UBALD2: variants seen among roughly 807,000 people sequenced by gnomAD.
The protein encoded by UBALD2 is UBA-like domain-containing protein 2.
In UBALD2, 8 loss-of-function variants were observed where a neutral mutation model predicts 15.9. That is an observed-to-expected ratio of 0.50 (90% CI 0.29 to 0.91). UBALD2 has a LOEUF of 0.91. Ranked by LOEUF, UBALD2 falls within the 40% of genes least tolerant of loss-of-function variation. UBALD2 has a pLI of 0.07. For synonymous variants in UBALD2, 113 were observed against 97.7 expected (o/e 1.16, Z -0.93); for missense variants, 178 against 234.8 (o/e 0.76, Z 1.58).
rs1450587629 is a variant in UBALD2, at chr17:76,270,369, A to G, written c.359A>G (p.His120Arg). 6 of 1,554,384 alleles carry G rather than the reference A, an allele frequency of 3.9e-6. No individual in the cohort carries two copies. In the Admixed American group the frequency reaches 9.5e-5, roughly 25 times the overall value. Residue 120 changes from histidine (H) to arginine (R), a missense_variant, in exon 3 of 3, where the codon CAC becomes CGC. By Grantham distance (29) the His-to-Arg change is conservative (BLOSUM62 0). Transcript: ENST00000327490. ...TTCTGGGCCTCGTCCCCGCCCAGCC[A>G]CCAGGCGCCCTGGATCCCGCCCTCC... ...SPFWASSPPS[H>R]QAPWIPPSSP...
chr17:76,269,071 G>A lies in UBALD2; in HGVS notation c.184-1123G>A, dbSNP rs924351085. 6.6e-6 allele frequency among the ~76,000 whole-genome samples: 1 copy of A among 152,054 alleles called. No homozygotes were observed. Among genetic ancestry groups the A allele is most frequent in the African/African-American group, 2.4e-5 (1 of 41,386 alleles). On this transcript the variant is annotated intron_variant, in intron 2 of 2. Transcript: ENST00000327490. The surrounding 1 kb of genome is among the most constrained non-coding windows in gnomAD (Gnocchi z 4.6). ...TTTCAAGGTGAAGAGCCCTCAAGTCGTTCCCCCAACTCCTGCGCCTGGGGG... is the reference window on the plus strand; with the variant it reads ...TTTCAAGGTGAAGAGCCCTCAAGTCATTCCCCCAACTCCTGCGCCTGGGGG...
chr17:76,265,411 C>G lies in UBALD2; in HGVS notation c.-95C>G. On this transcript the variant is annotated 5_prime_UTR_variant, in exon 1 of 3. Transcript: ENST00000327490. The stretch of plus-strand genomic sequence containing the variant: ...GGAGCGGCGGCAGCAGCGGTGAGCG[C>G]GAGCCCCGGAGCCCCGGGCGGCCGG... The G allele has an allele frequency of 2.6e-5, 25 of 975,866 alleles. No homozygotes were observed. Among genetic ancestry groups the G allele is most frequent in the South Asian group, 4.6e-5 (1 of 21,938 alleles). The allele number at this position is 975,866 out of a possible 1,614,324, so 60.5% of individuals were successfully genotyped here. A position where few individuals can be genotyped will look rare whatever the true frequency, so the allele number is the denominator to read the frequency against.
At chr17:76,266,063 CAA>C (rs1598467077) in intron 2 of UBALD2, 94 bp downstream of exon 2, 2 of 1,430,944 alleles carry the variant, frequency 1.4e-6, no homozygotes, top group Non-Finnish European at 9.5e-7. Flanking sequence ...CGAATGTAAA[CAA>C]AGAGCCAAAA....
At chr17:76,267,742 G>A (rs1299670191) in intron 2 of UBALD2, among the ~76,000 whole-genome samples, 4 of 149,314 alleles carry the variant, frequency 2.7e-5, no homozygotes, top group South Asian at 4.2e-4. Flanking sequence ...TCGGCTCACC[G>A]CAACCTTCAC....
chr17:76,266,557 C>T (rs2070547460), intron 2 of UBALD2, among the ~76,000 whole-genome samples: 1 of 152,210 alleles, frequency 6.6e-6, no homozygotes, highest in Non-Finnish European at 1.5e-5. Flanking sequence ...ATACATCCCC[C>T]AAGCCAGGAG....
At position 76,270,425 on chromosome 17, in the gene UBALD2, C is replaced by T. The variant is rs1220867769; in HGVS notation, c.415C>T (p.Pro139Ser). ...CACCACCTTCCACCACCTCCACCGC[C>T]CACAGCCCACGTGGCCCCCAGGAGC... The part of the protein sequence containing the change: ...SPTTFHHLHR[P>S]QPTWPPGAQQ... The change falls in exon 3 of 3, where the codon CCA becomes TCA. Residue 139 changes from proline to serine, a missense_variant. Pro to Ser is a moderately conservative substitution (Grantham distance 74, BLOSUM62 -1). Coordinates refer to ENST00000327490, the MANE Select transcript of UBALD2 (RefSeq NM_182565.4). The T allele has an allele frequency of 1.3e-6, 2 of 1,529,234 alleles. No individual in the cohort carries two copies. The highest frequency in any genetic ancestry group is 4.9e-5 in the East Asian group (2 of 40,736). 94.7% of individuals were successfully genotyped at this position (1,529,234 alleles called of 1,614,324 possible). A position where few individuals can be genotyped will look rare whatever the true frequency, so the allele number is the denominator to read the frequency against.
At position 76,270,560 on chromosome 17, in the gene UBALD2, G is replaced by C; in HGVS notation, c.*55G>C. 7.3e-7 allele frequency: 1 copy of C among 1,370,762 alleles called. No homozygotes were observed. Among genetic ancestry groups the C allele is most frequent in the Middle Eastern group, 2.6e-4 (1 of 3,792 alleles). 84.9% of individuals were successfully genotyped at this position (1,370,762 alleles called of 1,614,324 possible). A position where few individuals can be genotyped will look rare whatever the true frequency, so the allele number is the denominator to read the frequency against. On this transcript the variant is annotated 3_prime_UTR_variant, in exon 3 of 3. Transcript: ENST00000327490. ...GCTGGGGGCAGCCCAGGGTTGTGGG[G>C]ACACAGGAGGGCCAGGGAGGGGGGA... is the stretch of plus-strand genomic sequence containing the variant.
At chr17:76,265,705 T>A (rs2070539563) in intron 1 of UBALD2, 80 bp downstream of exon 1, 4 of 1,247,656 alleles carry the variant, frequency 3.2e-6, no homozygotes, top group Non-Finnish European at 4.0e-6. Flanking sequence ...GCGCTCCTGT[T>A]GTCGGCCCGG....
chr17:76,270,126 G>C (rs2143066105), intron 2 of UBALD2, 68 bp from the exon 3 acceptor site: 1 of 1,541,688 alleles, frequency 6.5e-7, no homozygotes. Flanking sequence ...GGCTGGCCTG[G>C]GTAAGCCCCA....
At chr17:76,270,118 C>T in intron 2 of UBALD2, 76 bp from the exon 3 acceptor site, 2 of 1,467,784 alleles carry the variant, frequency 1.4e-6, no homozygotes, top group Non-Finnish European at 1.9e-6. Context: ...AAAGGAGCGG[C>T]TGGCCTGGGT....
rs1598469008 is a variant in UBALD2 at position 76,270,740 on chromosome 17, T to C, written c.*235T>C. 1 of 379,128 alleles carries C rather than the reference T, an allele frequency of 2.6e-6. No individual in the cohort carries two copies. Among genetic ancestry groups the C allele is most frequent in the Non-Finnish European group, 4.6e-6 (1 of 216,368 alleles). 23.5% of individuals were successfully genotyped at this position (379,128 alleles called of 1,614,324 possible). ...CTCTGTTTTTAATATATAACTATAATATATATGAATAGATAAATATAACTA... is the reference window on the plus strand; with the variant it reads ...CTCTGTTTTTAATATATAACTATAACATATATGAATAGATAAATATAACTA... On this transcript the variant is annotated 3_prime_UTR_variant, in exon 3 of 3. Coordinates refer to ENST00000327490, the MANE Select transcript of UBALD2 (RefSeq NM_182565.4).
rs757596424 is a variant in UBALD2 at position 76,265,470 on chromosome 17, C to T, written c.-36C>T. ...GCCCGCGCAGCCCCGCGTCTGCGTC[C>T]GGCCGGAGACGCCGGGCCCCGCGCC... On this transcript the variant is annotated 5_prime_UTR_variant, in exon 1 of 3. Coordinates refer to ENST00000327490, the MANE Select transcript of UBALD2 (RefSeq NM_182565.4). The T allele has an allele frequency of 3.4e-5, 36 of 1,045,276 alleles. No homozygotes were observed. The highest frequency in any genetic ancestry group is 1.7e-4 in the Admixed American group (3 of 18,044). 64.8% of individuals were successfully genotyped at this position (1,045,276 alleles called of 1,614,324 possible).
At chr17:76,266,041 A>AGCGCC (rs2070543022) in intron 2 of UBALD2, 72 bp downstream of exon 2, 18 of 1,488,446 alleles carry the variant, frequency 1.2e-5, no homozygotes, top group Non-Finnish European at 1.6e-5. Flanking sequence ...GTTGCCGGGG[A>AGCGCC]GCGCCGCGCC....
intron 2 of UBALD2, among the ~76,000 whole-genome samples, chr17:76,266,768 AC>A (rs946446135): frequency 6.6e-6 from 1 of 151,912 alleles, no homozygotes; most frequent in East Asian, 1.9e-4. Context: ...CCTGTACCCT[AC>A]CCCCCTAGTT....
chr17:76,268,490 G>T (rs554999898), intron 2 of UBALD2, among the ~76,000 whole-genome samples: 1 of 141,740 alleles, frequency 7.1e-6, no homozygotes, highest in African/African-American at 2.6e-5. Context: ...CCAGAGGGTG[G>T]GGGGGGGGCA....
intron 2 of UBALD2, among the ~76,000 whole-genome samples, chr17:76,267,823 C>A (rs749397231): frequency 6.6e-6 from 1 of 151,912 alleles, no homozygotes; most frequent in Non-Finnish European, 1.5e-5. Context: ...CCACACCTGG[C>A]TAATTTTGTA....
chr17:76,266,103 GC>G, intron 2 of UBALD2, 134 bp downstream of exon 2: 1 of 1,180,594 alleles, frequency 8.5e-7, no homozygotes, highest in Non-Finnish European at 1.2e-6. Context: ...CGGCTCCCGG[GC>G]CGGCGCTGGC....
At chr17:76,265,997 C>A (rs760892720) in intron 2 of UBALD2, 28 bp downstream of exon 2, 1 of 1,553,362 alleles carries the variant, frequency 6.4e-7, no homozygotes, top group Non-Finnish European at 8.7e-7. Flanking sequence ...GGGGCGCGGG[C>A]CGGGGCCGCT....
intron 2 of UBALD2, among the ~76,000 whole-genome samples, chr17:76,268,936 T>C (rs1373129484): frequency 1.3e-5 from 2 of 151,956 alleles, no homozygotes; most frequent in Non-Finnish European, 2.9e-5. Flanking sequence ...GGTTTCACCA[T>C]GTTGGTCAGG....
Sources: allele counts gnomAD v4.1 joint callset (sites outside exome capture counted in the v4.1 genomes callset), GRCh38; gene constraint gnomAD v4.1.1; non-coding constraint Gnocchi (gnomAD v3.1); transcripts MANE v1.5; gene names NCBI Gene and HGNC (gene_info 2026-07-23, HGNC 2026-07-21).